Variants in NRXN2 observed in about 807,000 individuals in gnomAD.
The protein encoded by NRXN2 is neurexin 2, also known as neurexin-2-beta.
Under a neutral mutation model 128.8 loss-of-function variants are expected in NRXN2, and 29 were observed. The ratio of observed to expected loss-of-function variants is 0.23; its 90% confidence interval spans 0.17 to 0.31. The LOEUF is 0.31. Ranked by LOEUF, NRXN2 falls within the 10% of genes least tolerant of loss-of-function variation. The probability of loss-of-function intolerance (pLI) is 1.00; values close to 1 mark genes in which losing one functional copy is unlikely to be tolerated. For synonymous variants in NRXN2, 1,098 were observed against 1,075.2 expected, an observed-to-expected ratio of 1.02 and a Z score of -0.41; for missense variants, 1,881 against 2,452.6, an observed-to-expected ratio of 0.77 and a Z score of 4.92.
At chr11:64,676,684 T>TG (rs1449259617) in intron 7 of NRXN2, 22 of 490,028 alleles carry the variant, frequency 4.5e-5, no homozygotes, top group Non-Finnish European at 6.5e-5. Context: ...CCGATGAACA[T>TG]GGGGCCTGCC....
chr11:64,673,901 G>A (rs2050951372), intron 7 of NRXN2, among the ~76,000 whole-genome samples: 1 of 151,940 alleles, frequency 6.6e-6, no homozygotes, highest in African/African-American at 2.4e-5. Flanking sequence ...AGCCAGGAGT[G>A]GTGGCATGCA....
At chr11:64,722,728 TC>T (rs2057465998) in intron 1 of NRXN2, among the ~76,000 whole-genome samples, 1 of 92,350 alleles carries the variant, frequency 1.1e-5, no homozygotes, top group Non-Finnish European at 2.1e-5. Flanking sequence ...AGACCCTTCC[TC>T]CCACCCCTCC....
chr11:64,648,397 G>A lies in NRXN2; in HGVS notation c.3284-59C>T. 1 of 1,612,870 alleles carries A rather than the reference G, an allele frequency of 6.2e-7. No individual in the cohort carries two copies. Among genetic ancestry groups the A allele is most frequent in the Non-Finnish European group, 8.5e-7 (1 of 1,179,622 alleles). On this transcript the variant is annotated intron_variant, in intron 16 of 22. Coordinates refer to ENST00000265459, the MANE Select transcript of NRXN2 (RefSeq NM_015080.4). The surrounding 1 kb of genome is among the most constrained non-coding windows in gnomAD (Gnocchi z 4.1). The stretch of plus-strand genomic sequence containing the variant: ...TCAGCCAAGCCCCCTCTTTCCCCAG[G>A]AGGTGTGGAAGCTTCAGAGCCAGGC...
chr11:64,659,117 TACA>T (rs1428060023), intron 11 of NRXN2, among the ~76,000 whole-genome samples: 2 of 152,250 alleles, frequency 1.3e-5, no homozygotes, highest in Non-Finnish European at 2.9e-5. Context: ...AGGTCCAGGA[TACA>T]ACAAGTGACC....
chr11:64,665,757 G>C (rs765403355), intron 9 of NRXN2, among the ~76,000 whole-genome samples: 1 of 152,148 alleles, frequency 6.6e-6, no homozygotes, highest in African/African-American at 2.4e-5. Flanking sequence ...CAAAAATTTA[G>C]CTGACGTTGA....
intron 3 of NRXN2, 24 bp from the exon 4 acceptor site, chr11:64,692,900 G>C: frequency 6.3e-7 from 1 of 1,580,478 alleles, no homozygotes; most frequent in Non-Finnish European, 8.7e-7. Context: ...AGGAGAGAAA[G>C]AAAGAAAGAA....
At chr11:64,640,173 G>T (rs577505501) in intron 17 of NRXN2, among the ~76,000 whole-genome samples, 1 of 152,166 alleles carries the variant, frequency 6.6e-6, no homozygotes, top group East Asian at 1.9e-4. Context: ...CAGCAAAGGG[G>T]TGGCCATCTC....
In NRXN2 at chr11:64,667,055, A is replaced by G. The variant is rs2049971977; in HGVS notation, c.1798+195T>C. ...TGTAATCCAGGTCTGACTGATGCCAAATGCTGTGCTCTTTCTGCCAATGTC... is the reference window on the plus strand; with the variant it reads ...TGTAATCCAGGTCTGACTGATGCCAGATGCTGTGCTCTTTCTGCCAATGTC... On this transcript the variant is annotated intron_variant, in intron 9 of 22. Coordinates refer to ENST00000265459, the MANE Select transcript of NRXN2 (RefSeq NM_015080.4). This position sits in a 1 kb window ranked among gnomAD's most constrained non-coding sequence, Gnocchi z 5.6. Among the ~76,000 whole-genome samples the G allele has an allele frequency of 6.6e-6, 1 of 152,176 alleles. No individual in the cohort carries two copies. Among genetic ancestry groups the G allele is most frequent in the Non-Finnish European group, 1.5e-5 (1 of 68,032 alleles).
chr11:64,610,645 G>C (rs2040476564), intron 22 of NRXN2, among the ~76,000 whole-genome samples: 1 of 152,190 alleles, frequency 6.6e-6, no homozygotes, highest in African/African-American at 2.4e-5. Flanking sequence ...CCCAGGATGA[G>C]GCCAAGGCTT....
Position 64,662,183 on chromosome 11 carries a change from G to A in NRXN2, c.1799-1044C>T, listed in dbSNP as rs548852668. 1.3e-4 allele frequency among the ~76,000 whole-genome samples: 19 copies of A among 151,990 alleles called. No individual in the cohort carries two copies. In the East Asian group the frequency reaches 2.5e-3, roughly 20 times the overall value. ...TAAGGCAGGAGAATCACTTGAACCC[G>A]GGAGGCAGAGGCTGCAGTGAGCCAA... On this transcript the variant is annotated intron_variant, in intron 9 of 22. Transcript: ENST00000265459.
rs756321941 is a variant in NRXN2 at position 64,607,327 on chromosome 11, C to T, written c.5008G>A (p.Val1670Met). ...CTGATGTAGTTTCGGCTCTGGTCCA[C>T]CTGGTAGGAGCCCTCATCACGATTG... ...YRNRDEGSYQ[V>M]DQSRNYISNS... The change falls in exon 23 of 23, where the codon GTG becomes ATG. Residue 1670 changes from valine (V) to methionine (M), a missense_variant. Around this residue, in one of 7 missense-constraint regions of NRXN2, gnomAD observed 63 missense variants for 76.0 expected, o/e 0.83. Coordinates refer to ENST00000265459, the MANE Select transcript of NRXN2 (RefSeq NM_015080.4). 3 of 1,614,056 alleles carry T rather than the reference C, an allele frequency of 1.9e-6. No homozygotes were observed. Among genetic ancestry groups the T allele is most frequent in the Non-Finnish European group, 2.5e-6 (3 of 1,179,996 alleles).
At chr11:64,633,522 CA>C (rs1342022445) in intron 18 of NRXN2, among the ~76,000 whole-genome samples, 1 of 152,176 alleles carries the variant, frequency 6.6e-6, no homozygotes, top group Non-Finnish European at 1.5e-5. Flanking sequence ...GCAAGCCATG[CA>C]GAGCTTCGCA....
chr11:64,650,325 A>T, intron 15 of NRXN2, 123 bp downstream of exon 15: 1 of 979,686 alleles, frequency 1.0e-6, no homozygotes, highest in Non-Finnish European at 1.6e-6. Flanking sequence ...GGAGACAGGG[A>T]AAGAGAGGTG....
intron 5 of NRXN2, among the ~76,000 whole-genome samples, chr11:64,687,421 C>T (rs923279074): frequency 4.6e-5 from 7 of 152,342 alleles, no homozygotes; most frequent in African/African-American, 7.2e-5. Flanking sequence ...TCACTGCCTC[C>T]GGATGCCAAG....
chr11:64,699,548 A>G (rs1464401752), intron 2 of NRXN2, among the ~76,000 whole-genome samples: 3 of 139,518 alleles, frequency 2.2e-5, no homozygotes, highest in Non-Finnish European at 4.5e-5. Flanking sequence ...CTCCTGCCTC[A>G]GCCTCCGGCA....
At chr11:64,634,946 T>C (rs188737913) in intron 18 of NRXN2, among the ~76,000 whole-genome samples, 103 of 152,252 alleles carry the variant, frequency 6.8e-4, no homozygotes, top group African/African-American at 2.4e-3. Context: ...CTCCGAAGGC[T>C]ACAGGAGAAT....
At position 64,723,051 on chromosome 11, in the gene NRXN2, G is replaced by A. The variant is rs2057479921; in HGVS notation, c.-325C>T. On this transcript the variant is annotated 5_prime_UTR_variant, in exon 1 of 23. Transcript: ENST00000265459. ...CCGTCTCCGACGGGTGGCAGAGCCA[G>A]GGCTAGCGGTGTCTGCCGCCTCGCG... The A allele has an allele frequency of 2.0e-5, 3 of 151,066 alleles. No individual in the cohort carries two copies. The highest frequency in any genetic ancestry group is 4.4e-5 in the Non-Finnish European group (3 of 67,478). 9.4% of individuals were successfully genotyped at this position (151,066 alleles called of 1,614,324 possible).
intron 3 of NRXN2, among the ~76,000 whole-genome samples, chr11:64,695,730 G>A (rs542143574): frequency 4.0e-5 from 6 of 150,600 alleles, no homozygotes; most frequent in East Asian, 2.0e-4. Flanking sequence ...ACACACACGC[G>A]CACACACACA....
At chr11:64,674,633 T>G (rs2051063712) in intron 7 of NRXN2, among the ~76,000 whole-genome samples, 1 of 152,212 alleles carries the variant, frequency 6.6e-6, no homozygotes, top group African/African-American at 2.4e-5. Context: ...ATTCTAGGGT[T>G]TCATACAGTT....
Sources: allele counts gnomAD v4.1 joint callset (sites outside exome capture counted in the v4.1 genomes callset), GRCh38; gene constraint gnomAD v4.1.1; regional missense constraint gnomAD v4.1.1; non-coding constraint Gnocchi (gnomAD v3.1); transcripts MANE v1.5; gene names NCBI Gene and HGNC (gene_info 2026-07-23, HGNC 2026-07-21).